NOP58: variants seen among roughly 807,000 people sequenced by gnomAD.
NOP58 encodes nucleolar protein 58.
Under a neutral mutation model 71.2 loss-of-function variants are expected in NOP58, and 44 were observed. That is an observed-to-expected ratio of 0.62 (90% confidence interval 0.49 to 0.79). NOP58 has a LOEUF of 0.79. Ranked by LOEUF, NOP58 falls within the 30% of genes least tolerant of loss-of-function variation. NOP58 has a pLI of 0.00. For missense variants in NOP58, 538 were observed against 620.2 expected, an observed-to-expected ratio of 0.87 and a Z score of 1.41; for synonymous variants, 228 against 200.3, an observed-to-expected ratio of 1.14 and a Z score of -1.17.
At chr2:202,294,411 T>C (rs1376498225) in intron 9 of NOP58, among the ~76,000 whole-genome samples, 2 of 151,930 alleles carry the variant, frequency 1.3e-5, no homozygotes, top group East Asian at 3.9e-4. Context: ...GTTCATAGTA[T>C]TAATAGAGTC....
chr2:202,293,270 G>GA, intron 9 of NOP58: 1 of 336,698 alleles, frequency 3.0e-6, no homozygotes, highest in African/African-American at 2.6e-5. Flanking sequence ...AATCACTGTA[G>GA]AGAAAGAAAA....
chr2:202,272,918 A>G (rs1052488660), intron 1 of NOP58, among the ~76,000 whole-genome samples: 9 of 152,092 alleles, frequency 5.9e-5, no homozygotes, highest in African/African-American at 2.2e-4. Context: ...GTGCATCATG[A>G]GGTCAGGAGA....
At chr2:202,300,962 A>G (rs1444611764) in intron 13 of NOP58, among the ~76,000 whole-genome samples, 1 of 152,216 alleles carries the variant, frequency 6.6e-6, no homozygotes, top group Non-Finnish European at 1.5e-5. Context: ...GTTTCTAAGT[A>G]GCTTAGTGGT....
intron 1 of NOP58, among the ~76,000 whole-genome samples, chr2:202,270,369 G>T (rs1688496374): frequency 6.6e-6 from 1 of 152,126 alleles, no homozygotes; most frequent in South Asian, 2.1e-4. Flanking sequence ...TTCTTTTTGA[G>T]CAGTGCACAT....
At chr2:202,296,063 AT>A (rs35805055) in intron 10 of NOP58, among the ~76,000 whole-genome samples, 39 of 151,890 alleles carry the variant, frequency 2.6e-4, no homozygotes, top group South Asian at 8.3e-4. Context: ...TTGTGTTAGT[AT>A]TTTTTTCCCC....
In NOP58 at chr2:202,290,539, TAAGC is replaced by T. The variant is rs1353447071; in HGVS notation, c.634+86_634+89del. 23 of 1,248,872 alleles carry T rather than the reference TAAGC, an allele frequency of 1.8e-5. No individual in the cohort carries two copies. In the African/African-American group the frequency reaches 3.5e-4, roughly 19 times the overall value. 77.4% of individuals were successfully genotyped at this position (1,248,872 alleles called of 1,614,324 possible). A position where few individuals can be genotyped will look rare whatever the true frequency, so the allele number is the denominator to read the frequency against. On this transcript the variant is annotated intron_variant, in intron 7 of 14. Coordinates refer to ENST00000264279, the MANE Select transcript of NOP58 (RefSeq NM_015934.5). ...TAAAACATGACGTATAGCATTTTGT[TAAGC>T]AAGATTCCCAGGGTTTTTGCAATTT... is the stretch of plus-strand genomic sequence containing the variant.
Position 202,275,207 on chromosome 2 carries a change from C to G in NOP58, c.122+18C>G. On this transcript the variant is annotated intron_variant, in intron 2 of 14. Transcript: ENST00000264279. ...AACAAAATGTAAGTACTCTTGAAAT[C>G]AATAATTTAGCAGTTAACATTTAGG... 7.4e-7 allele frequency: 1 copy of G among 1,342,364 alleles called. No individual in the cohort carries two copies. Among genetic ancestry groups the G allele is most frequent in the Admixed American group, 2.1e-5 (1 of 48,220 alleles). 83.2% of individuals were successfully genotyped at this position (1,342,364 alleles called of 1,614,324 possible). A position where few individuals can be genotyped will look rare whatever the true frequency, so the allele number is the denominator to read the frequency against.
At chr2:202,288,485 TAAAAA>T (rs369945744) in intron 6 of NOP58, among the ~76,000 whole-genome samples, 1 of 115,128 alleles carries the variant, frequency 8.7e-6, no homozygotes, top group African/African-American at 3.1e-5. Context: ...TCCATCTCAC[TAAAAA>T]AAAAAAAAAA....
chr2:202,274,400 ATTTTTTTTTTT>A (rs1173477305), intron 1 of NOP58, among the ~76,000 whole-genome samples: 8 of 104,666 alleles, frequency 7.6e-5, no homozygotes, highest in Admixed American at 2.0e-4. Flanking sequence ...CTAATTTTGT[ATTTTTTTTTTT>A]TTTTTTTTTT....
intron 5 of NOP58, among the ~76,000 whole-genome samples, chr2:202,285,479 G>A (rs1339693242): frequency 6.6e-6 from 1 of 150,930 alleles, no homozygotes; most frequent in East Asian, 2.0e-4. Context: ...CCAAGTAGCT[G>A]GGACTGCAAG....
At chr2:202,287,983 G>A (rs1318752230) in intron 6 of NOP58, among the ~76,000 whole-genome samples, 5 of 152,044 alleles carry the variant, frequency 3.3e-5, no homozygotes, top group East Asian at 1.9e-4. Flanking sequence ...GCATGGTGGC[G>A]TGTACCTATA....
At position 202,302,817 on chromosome 2, in the gene NOP58, A is replaced by C; in HGVS notation, c.1403-104A>C. ...AAAATAAACAAAACAAACATTGGGT[A>C]GTTGATGAGAATGACAGAAAAAAAC... On this transcript the variant is annotated intron_variant, in intron 13 of 14. Coordinates refer to ENST00000264279, the MANE Select transcript of NOP58 (RefSeq NM_015934.5). 3 of 1,417,086 alleles carry C rather than the reference A, an allele frequency of 2.1e-6. No homozygotes were observed. The South Asian group carries it at 4.5e-5, about 21-fold the overall frequency. 87.8% of individuals were successfully genotyped at this position (1,417,086 alleles called of 1,614,324 possible). A position where few individuals can be genotyped will look rare whatever the true frequency, so the allele number is the denominator to read the frequency against.
intron 1 of NOP58, among the ~76,000 whole-genome samples, chr2:202,270,573 C>G (rs1308336817): frequency 1.3e-5 from 2 of 152,038 alleles, no homozygotes; most frequent in Non-Finnish European, 2.9e-5. Context: ...TGTTTGAGCC[C>G]AGGAGTTGCA....
intron 1 of NOP58, among the ~76,000 whole-genome samples, chr2:202,271,254 G>T (rs1688507407): frequency 6.6e-6 from 1 of 151,934 alleles, no homozygotes; most frequent in Admixed American, 6.6e-5. Flanking sequence ...GGTCAATTGG[G>T]AGTGTAAAAG....
At chr2:202,280,175 G>A (rs1688676521) in intron 3 of NOP58, among the ~76,000 whole-genome samples, 1 of 152,140 alleles carries the variant, frequency 6.6e-6, no homozygotes, top group Non-Finnish European at 1.5e-5. Flanking sequence ...GGCTGTAAAT[G>A]TCACAGTGTA....
At chr2:202,273,958 A>G (rs1383157483) in intron 1 of NOP58, among the ~76,000 whole-genome samples, 1 of 151,912 alleles carries the variant, frequency 6.6e-6, no homozygotes, top group Non-Finnish European at 1.5e-5. Flanking sequence ...AAAAAAAAAA[A>G]GCCATTTACT....
chr2:202,295,219 G>T (rs1349040884), intron 9 of NOP58, among the ~76,000 whole-genome samples: 1 of 152,198 alleles, frequency 6.6e-6, no homozygotes, highest in African/African-American at 2.4e-5. Context: ...GAAAGCACAG[G>T]TAGGGGACTA....
At chr2:202,291,806 CAAAAAAAAAAAAAA>C (rs1161178890) in intron 8 of NOP58, among the ~76,000 whole-genome samples, 1 of 41,900 alleles carries the variant, frequency 2.4e-5, no homozygotes, top group Non-Finnish European at 4.0e-5. Context: ...AACTCCATCT[CAAAAAAAAAAAAAA>C]AAAAAAAAAG....
At position 202,277,509 on chromosome 2, in the gene NOP58, A is replaced by G. The variant is rs577905458; in HGVS notation, c.123-441A>G. 2.6e-4 allele frequency among the ~76,000 whole-genome samples: 40 copies of G among 152,040 alleles called. No individual in the cohort carries two copies. The South Asian group carries it at 8.3e-3, about 32-fold the overall frequency. On this transcript the variant is annotated intron_variant, in intron 2 of 14. Transcript: ENST00000264279. ...AAACAAAAAACCATAAAGGGTTAGG[A>G]TGTAACAAGAATGAGACCTGACAAT...
Sources: gnomAD v4.1 joint callset for allele counts (sites outside exome capture counted in the v4.1 genomes callset) on GRCh38, gnomAD v4.1.1 for gene constraint, MANE v1.5 for transcripts, NCBI Gene and HGNC (gene_info 2026-07-23, HGNC 2026-07-21) for gene names.